Variants in LRRC4C observed in about 807,000 individuals in gnomAD.
LRRC4C encodes leucine rich repeat containing 4C, also known as leucine-rich repeat-containing protein 4C.
LRRC4C carries 5 observed loss-of-function variants against 33.6 expected under a neutral mutation model. The observed-to-expected ratio is 0.15, with a 90% CI of 0.08 to 0.31. The LOEUF is 0.31. Among genes scored for constraint, LRRC4C ranks in the 10% least tolerant of loss-of-function variants. The pLI, the probability that LRRC4C is intolerant of heterozygous loss-of-function variation, is 1.00. For missense variants in LRRC4C, 560 were observed against 796.7 expected, an observed-to-expected ratio of 0.70 and a Z score of 3.58; for synonymous variants, 329 against 302.0, an observed-to-expected ratio of 1.09 and a Z score of -0.93.
At chr11:40,850,052 GC>G (rs1412484701) in intron 2 of LRRC4C, among the ~76,000 whole-genome samples, 1 of 151,730 alleles carries the variant, frequency 6.6e-6, no homozygotes, top group Non-Finnish European at 1.5e-5. Flanking sequence ...AAGGTTCTTA[GC>G]TTCCTTGCAT....
chr11:40,810,462 T>A (rs1352079972), intron 2 of LRRC4C, among the ~76,000 whole-genome samples: 1 of 152,222 alleles, frequency 6.6e-6, no homozygotes, highest in East Asian at 1.9e-4. Flanking sequence ...TTAAATAACA[T>A]CTGTAAGCTA....
chr11:40,422,010 G>T (rs1665673824), intron 3 of LRRC4C, among the ~76,000 whole-genome samples: 1 of 152,340 alleles, frequency 6.6e-6, no homozygotes, highest in Non-Finnish European at 1.5e-5. Flanking sequence ...TCCTAGTTCT[G>T]CAGGAAATAC....
At chr11:40,368,567 C>G (rs1948315943) in intron 3 of LRRC4C, among the ~76,000 whole-genome samples, 2 of 152,158 alleles carry the variant, frequency 1.3e-5, no homozygotes, top group African/African-American at 2.4e-5. Flanking sequence ...TTCCTGACTT[C>G]AGCTTTACTT....
intron 2 of LRRC4C, among the ~76,000 whole-genome samples, chr11:40,824,555 C>T (rs115946535): frequency 0.018 from 2,767 of 151,906 alleles, 90 homozygotes; most frequent in African/African-American, 0.062. Flanking sequence ...TAAATATGTA[C>T]CCCAACCGAG....
chr11:41,150,404 T>A (rs779099338), intron 1 of LRRC4C, among the ~76,000 whole-genome samples: 1 of 152,194 alleles, frequency 6.6e-6, no homozygotes, highest in African/African-American at 2.4e-5. Context: ...TTCCAAAAAA[T>A]AGAGACTTAT....
chr11:40,397,230 C>G lies in LRRC4C; in HGVS notation c.-269-77509G>C, dbSNP rs548419868. On this transcript the variant is annotated intron_variant, in intron 3 of 6. Coordinates refer to ENST00000528697, the MANE Select transcript of LRRC4C (RefSeq NM_001258419.2). Reference sequence around the variant, plus strand: ...ATTTTAAAATATTTCGTCTTCTAATCTGTGTGACAAAGAGTGTTCCTAATG... The same window carrying G: ...ATTTTAAAATATTTCGTCTTCTAATGTGTGTGACAAAGAGTGTTCCTAATG... Among the ~76,000 whole-genome samples the G allele has an allele frequency of 2.0e-5, 3 of 152,170 alleles. 1 individual carries two copies. The South Asian group carries it at 6.2e-4, about 32-fold the overall frequency.
At chr11:41,311,281 G>T (rs1200470415) in intron 1 of LRRC4C, among the ~76,000 whole-genome samples, 1 of 152,090 alleles carries the variant, frequency 6.6e-6, no homozygotes, top group African/African-American at 2.4e-5. Context: ...TCTCAGTGCT[G>T]ATGAGTCTTG....
intron 3 of LRRC4C, among the ~76,000 whole-genome samples, chr11:40,389,425 T>C (rs1252555732): frequency 6.6e-6 from 1 of 152,142 alleles, no homozygotes; most frequent in Non-Finnish European, 1.5e-5. Flanking sequence ...AAAAAGTTTC[T>C]TTTGTTACGT....
intron 3 of LRRC4C, among the ~76,000 whole-genome samples, chr11:40,427,691 G>A (rs890118143): frequency 4.0e-5 from 6 of 151,626 alleles, no homozygotes; most frequent in Admixed American, 3.3e-4. Flanking sequence ...TTAGCCAGAT[G>A]TGGTGGTATA....
At chr11:41,180,732 A>AG (rs1166697225) in intron 1 of LRRC4C, among the ~76,000 whole-genome samples, 1 of 151,972 alleles carries the variant, frequency 6.6e-6, no homozygotes, top group Non-Finnish European at 1.5e-5. Context: ...TTGCCTCACA[A>AG]TTTTCCCCAT....
chr11:40,764,250 C>T (rs956865352), intron 2 of LRRC4C, among the ~76,000 whole-genome samples: 2 of 152,166 alleles, frequency 1.3e-5, no homozygotes, highest in African/African-American at 4.8e-5. Flanking sequence ...AAGGGCCCAA[C>T]CCAGTCCTGG....
intron 1 of LRRC4C, among the ~76,000 whole-genome samples, chr11:41,439,564 T>A (rs893624592): frequency 1.3e-5 from 2 of 152,242 alleles, no homozygotes; most frequent in Non-Finnish European, 2.9e-5. Flanking sequence ...ATAATAAGCA[T>A]TCTGACTAGT....
chr11:41,455,954 G>C (rs910121916), intron 1 of LRRC4C, among the ~76,000 whole-genome samples: 1 of 152,082 alleles, frequency 6.6e-6, no homozygotes, highest in Non-Finnish European at 1.5e-5. Flanking sequence ...CTGCTGAGTA[G>C]TCCCAAATGG....
rs1943378537 is a variant in LRRC4C at position 41,138,839 on chromosome 11, T to C, written c.-495-205116A>G. Among the ~76,000 whole-genome samples, 3 of 152,322 alleles carry C rather than the reference T, an allele frequency of 2.0e-5. No individual in the cohort carries two copies. In the South Asian group the frequency reaches 6.2e-4, roughly 32 times the overall value. ...AAAAAGAATATTATCATTATAAGAA[T>C]ACTATTTCCCAAGGGAGAACTTGAG... On this transcript the variant is annotated intron_variant, in intron 1 of 6. Transcript: ENST00000528697.
At chr11:40,423,772 T>G (rs1950615148) in intron 3 of LRRC4C, among the ~76,000 whole-genome samples, 1 of 152,210 alleles carries the variant, frequency 6.6e-6, no homozygotes, top group African/African-American at 2.4e-5. Flanking sequence ...TCATTTCCAT[T>G]GCAAAGATAA....
chr11:40,148,969 T>G (rs1213550264), intron 5 of LRRC4C, among the ~76,000 whole-genome samples: 1 of 152,222 alleles, frequency 6.6e-6, no homozygotes, highest in African/African-American at 2.4e-5. Context: ...TTTGTCAGCT[T>G]TGTCAAAGAT....
At chr11:41,218,763 A>ATTTT (rs1184491274) in intron 1 of LRRC4C, among the ~76,000 whole-genome samples, 69 of 108,902 alleles carry the variant, frequency 6.3e-4, no homozygotes, top group African/African-American at 1.0e-3. Context: ...TGCATATGTC[A>ATTTT]TTTTTTTTTT....
intron 1 of LRRC4C, among the ~76,000 whole-genome samples, chr11:41,147,487 C>T (rs1943779790): frequency 6.6e-6 from 1 of 152,150 alleles, no homozygotes; most frequent in Non-Finnish European, 1.5e-5. Flanking sequence ...TGTTTCACTG[C>T]TTTTCTTCCT....
intron 2 of LRRC4C, among the ~76,000 whole-genome samples, chr11:40,760,179 A>C (rs1949138289): frequency 6.6e-6 from 1 of 152,218 alleles, no homozygotes; most frequent in Non-Finnish European, 1.5e-5. Flanking sequence ...AAAATTAAAA[A>C]AAAATTAATG....
Sources: allele counts gnomAD v4.1 joint callset (sites outside exome capture counted in the v4.1 genomes callset), GRCh38; gene constraint gnomAD v4.1.1; transcripts MANE v1.5; gene names NCBI Gene and HGNC (gene_info 2026-07-23, HGNC 2026-07-21).